KIAA0319: variants seen among roughly 807,000 people sequenced by gnomAD.
The protein encoded by KIAA0319 is KIAA0319, also known as dyslexia-associated protein KIAA0319.
Under a neutral mutation model 108.4 loss-of-function variants are expected in KIAA0319, and 83 were observed. The ratio of observed to expected loss-of-function variants is 0.77; its 90% CI spans 0.64 to 0.92. The LOEUF is 0.92. Among genes scored for constraint, KIAA0319 ranks in the 40% least tolerant of loss-of-function variants. The probability of loss-of-function intolerance (pLI) is 0.00; values close to 1 mark genes in which losing one functional copy is unlikely to be tolerated. For missense variants in KIAA0319, 1,195 were observed against 1,322.4 expected (o/e 0.90, Z 1.49); for synonymous variants, 484 against 510.4 (o/e 0.95, Z 0.70).
chr6:24,588,557 A>G (rs1286292632), intron 4 of KIAA0319, 36 bp downstream of exon 4: 1 of 1,558,744 alleles, frequency 6.4e-7, no homozygotes, highest in African/African-American at 1.4e-5. Context: ...GCCTGTCTTC[A>G]GTACATTTCT....
chr6:24,555,212 T>C (rs1344066932), intron 18 of KIAA0319, among the ~76,000 whole-genome samples: 1 of 152,116 alleles, frequency 6.6e-6, no homozygotes, highest in African/African-American at 2.4e-5. Flanking sequence ...TTTAACTCTA[T>C]TAGGCAGGGT....
chr6:24,575,947 A>C (rs1448258478), intron 10 of KIAA0319, among the ~76,000 whole-genome samples: 2 of 152,236 alleles, frequency 1.3e-5, no homozygotes, highest in African/African-American at 4.8e-5. Flanking sequence ...AGATACAAAC[A>C]AGGTCCTAAA....
At chr6:24,603,492 T>C (rs1478509977) in intron 1 of KIAA0319, among the ~76,000 whole-genome samples, 3 of 152,208 alleles carry the variant, frequency 2.0e-5, no homozygotes, top group Non-Finnish European at 4.4e-5. Context: ...ATAAACTAGA[T>C]TTTAGTTCCA....
chr6:24,628,524 CTTTCT>C (rs902976975), intron 1 of KIAA0319, among the ~76,000 whole-genome samples: 20 of 151,696 alleles, frequency 1.3e-4, no homozygotes, highest in African/African-American at 4.4e-4. Flanking sequence ...TTTTTTCTTT[CTTTCT>C]TTTTTTTTTT....
intron 19 of KIAA0319, among the ~76,000 whole-genome samples, chr6:24,552,019 T>C (rs1006831140): frequency 5.9e-5 from 9 of 152,156 alleles, no homozygotes; most frequent in African/African-American, 2.2e-4. Context: ...TTTTCTTTTT[T>C]TTTTTTCCTC....
At chr6:24,631,756 A>AG (rs753134069) in intron 1 of KIAA0319, among the ~76,000 whole-genome samples, 6 of 152,362 alleles carry the variant, frequency 3.9e-5, no homozygotes, top group Non-Finnish European at 7.3e-5. Context: ...CTATCTAAGT[A>AG]GGTGCTTTGC....
rs144302373 is a variant in KIAA0319, at chr6:24,576,720, A to G, written c.1506-124T>C. ...GGATCGCTTGAGCCCAGGAGTTCTG[A>G]GACCAGCTGGGCCATAGAAGGAGAC... On this transcript the variant is annotated intron_variant, in intron 9 of 20. Coordinates refer to ENST00000378214, the MANE Select transcript of KIAA0319 (RefSeq NM_014809.4). 300 of 747,578 alleles carry G rather than the reference A, an allele frequency of 4.0e-4. 2 individuals carry two copies. The African/African-American group carries it at 4.8e-3, about 12-fold the overall frequency. 46.3% of individuals were successfully genotyped at this position (747,578 alleles called of 1,614,324 possible).
chr6:24,610,838 C>T (rs1772192193), intron 1 of KIAA0319, among the ~76,000 whole-genome samples: 1 of 151,990 alleles, frequency 6.6e-6, no homozygotes, highest in Non-Finnish European at 1.5e-5. Context: ...ACAACCCAAA[C>T]ATTCATCAAC....
At chr6:24,589,984 A>G (rs1183283149) in intron 3 of KIAA0319, among the ~76,000 whole-genome samples, 1 of 152,188 alleles carries the variant, frequency 6.6e-6, no homozygotes, top group Non-Finnish European at 1.5e-5. Context: ...TTAGTCAGTA[A>G]CTGTGTGGGG....
chr6:24,566,898 T>C, intron 13 of KIAA0319, 150 bp from the exon 14 acceptor site: 1 of 623,324 alleles, frequency 1.6e-6, no homozygotes, highest in East Asian at 3.0e-5. Context: ...TTTCCCCAGA[T>C]GCATATAAGA....
At chr6:24,636,766 T>A (rs947059132) in intron 1 of KIAA0319, among the ~76,000 whole-genome samples, 2 of 152,228 alleles carry the variant, frequency 1.3e-5, no homozygotes, top group Non-Finnish European at 2.9e-5. Context: ...ATCTTGTTTA[T>A]GCTCTTATTT....
intron 20 of KIAA0319, among the ~76,000 whole-genome samples, chr6:24,550,623 T>A (rs554334481): frequency 6.6e-6 from 1 of 152,306 alleles, no homozygotes; most frequent in East Asian, 1.9e-4. Flanking sequence ...CAATGGCTAA[T>A]TAGATAACGC....
intron 1 of KIAA0319, among the ~76,000 whole-genome samples, chr6:24,602,774 C>T (rs1315189767): frequency 6.6e-6 from 1 of 151,932 alleles, no homozygotes; most frequent in Non-Finnish European, 1.5e-5. Flanking sequence ...GCACTCCAGC[C>T]TGGGCTACAC....
Position 24,596,026 on chromosome 6 carries a change from A to G in KIAA0319, c.648T>C (p.His216=). The part of the protein sequence containing the change: ...PAETQQDPEL[H]YLNESASTPA... Reference sequence around the variant, plus strand: ...GGGTTGAAGCCGACTCATTCAGGTAATGGAGCTCAGGGTCCTGCTGCGTCT... The same window carrying G: ...GGGTTGAAGCCGACTCATTCAGGTAGTGGAGCTCAGGGTCCTGCTGCGTCT... Residue 216 remains histidine (H), a synonymous_variant, in exon 3 of 21, where the codon CAT becomes CAC. Transcript: ENST00000378214. The G allele has an allele frequency of 6.2e-7, 1 of 1,614,152 alleles. No homozygotes were observed. Among genetic ancestry groups the G allele is most frequent in the Non-Finnish European group, 8.5e-7 (1 of 1,180,016 alleles).
Position 24,596,598 on chromosome 6 carries a change from T to C in KIAA0319, c.76A>G (p.Ser26Gly). 6.2e-7 allele frequency: 1 copy of C among 1,610,164 alleles called. No homozygotes were observed. Among genetic ancestry groups the C allele is most frequent in the South Asian group, 1.1e-5 (1 of 91,000 alleles). The change falls in exon 3 of 21, where the codon AGC becomes GGC. Residue 26 changes from serine (S) to glycine (G), a missense_variant. Coordinates refer to ENST00000378214, the MANE Select transcript of KIAA0319 (RefSeq NM_014809.4). ...GCATTGGAATATGTCCTCCCCTCGC[T>C]GCACTGCTTACGGGCACAACCTTTA... ...TIAGCARKQCSEGRTYSNAVI... is the reference protein window; with the variant it reads ...TIAGCARKQCGEGRTYSNAVI...
downstream of KIAA0319, among the ~76,000 whole-genome samples, chr6:24,540,416 C>T (rs142019060): frequency 6.3e-4 from 96 of 152,272 alleles, no homozygotes; most frequent in South Asian, 1.2e-3. Flanking sequence ...TATATGCAGT[C>T]CATCACTGAC....
At chr6:24,588,446 A>T in intron 4 of KIAA0319, 147 bp downstream of exon 4, 2 of 680,860 alleles carry the variant, frequency 2.9e-6, no homozygotes, top group Non-Finnish European at 2.6e-6. Flanking sequence ...TCATCTTTTT[A>T]TTCCCAGTAT....
At chr6:24,543,992 G>C (rs1221225162), downstream of KIAA0319, 1 of 152,146 alleles carries the variant, frequency 6.6e-6, no homozygotes, top group Non-Finnish European at 1.5e-5. Context: ...TTTTCTTTCT[G>C]TAAAAGGCCA....
intron 1 of KIAA0319, among the ~76,000 whole-genome samples, chr6:24,640,604 T>A (rs1444296885): frequency 2.0e-5 from 3 of 152,210 alleles, no homozygotes; most frequent in Non-Finnish European, 2.9e-5. Flanking sequence ...AGATATTTTT[T>A]AAATTTTTTC....
Sources: gnomAD v4.1 joint callset for allele counts (sites outside exome capture counted in the v4.1 genomes callset) on GRCh38, gnomAD v4.1.1 for gene constraint, MANE v1.5 for transcripts, NCBI Gene and HGNC (gene_info 2026-07-23, HGNC 2026-07-21) for gene names.